The following TMEM178B variants were observed in gnomAD, a reference collection of about 807,000 sequenced individuals.
The protein encoded by TMEM178B is transmembrane protein 178B.
TMEM178B carries 5 observed loss-of-function variants against 31.0 expected under a neutral mutation model. The observed-to-expected ratio is 0.16, with a 90% CI of 0.08 to 0.34. TMEM178B has a LOEUF of 0.34. Ranked by LOEUF, TMEM178B falls within the 10% of genes least tolerant of loss-of-function variation. TMEM178B has a pLI of 1.00. For missense variants in TMEM178B, 275 were observed against 400.3 expected (o/e 0.69, Z 2.67); for synonymous variants, 164 against 164.0 (o/e 1.00, Z 0.00).
intron 1 of TMEM178B, among the ~76,000 whole-genome samples, chr7:141,192,889 T>C (rs987693179): frequency 4.6e-5 from 7 of 152,270 alleles, no homozygotes; most frequent in Non-Finnish European, 1.0e-4. Flanking sequence ...TTTGAAGTCC[T>C]AATTCCCAGG....
intron 2 of TMEM178B, among the ~76,000 whole-genome samples, chr7:141,377,522 T>C (rs1176644396): frequency 6.6e-6 from 1 of 151,954 alleles, no homozygotes; most frequent in Non-Finnish European, 1.5e-5. Context: ...ATACAAAAAA[T>C]TAGCTAGGCG....
In TMEM178B at chr7:141,470,608, A is replaced by G. The variant is rs1221877407; in HGVS notation, c.707A>G (p.Tyr236Cys). 1 of 1,535,124 alleles carries G rather than the reference A, an allele frequency of 6.5e-7. No individual in the cohort carries two copies. The highest frequency in any genetic ancestry group is 2.0e-5 in the Admixed American group (1 of 50,904). ...TTTGAGCTGTCACGCTACCCACGCT[A>G]CCTGTACGGACTCCCTGATGACATC... ...INFELSRYPR[Y>C]LYGLPDDISH... Residue 236 changes from tyrosine (Y) to cysteine (C), a missense_variant, in exon 4 of 4, where the codon TAC becomes TGC. Coordinates refer to ENST00000565468, the MANE Select transcript of TMEM178B (RefSeq NM_001195278.2).
rs374370224 is a variant in TMEM178B at position 141,446,897 on chromosome 7, C to T, written c.634+9152C>T. Among the ~76,000 whole-genome samples, 12 of 152,198 alleles carry T rather than the reference C, an allele frequency of 7.9e-5. No individual in the cohort carries two copies. In the East Asian group the frequency reaches 1.7e-3, roughly 22 times the overall value. On this transcript the variant is annotated intron_variant, in intron 3 of 3. Transcript: ENST00000565468. ...AAGTACTTCTTTTTTTAAATAACCA[C>T]CTTTAGTGACACTGCCCTGAGCAGC...
chr7:141,393,268 T>A (rs1339462683), intron 2 of TMEM178B, among the ~76,000 whole-genome samples: 2 of 152,172 alleles, frequency 1.3e-5, no homozygotes, highest in Non-Finnish European at 2.9e-5. Flanking sequence ...AATCTGTCAC[T>A]GAATCAGCAG....
At chr7:141,489,177 C>T in the TMEM178B span, among the ~76,000 whole-genome samples, 20 of 152,286 alleles carry the variant, frequency 1.3e-4, no homozygotes, top group Admixed American at 1.3e-3. Context: ...CTGAATACTT[C>T]ATCCTTCCAT....
the TMEM178B span, among the ~76,000 whole-genome samples, chr7:141,507,412 G>T: frequency 8.5e-5 from 13 of 152,120 alleles, no homozygotes; most frequent in Middle Eastern, 3.4e-3. Flanking sequence ...CACTCTTGTT[G>T]CTCAGGCTGG....
Position 141,344,497 on chromosome 7 carries a change from T to C in TMEM178B, c.497-93111T>C, listed in dbSNP as rs377447898. Among the ~76,000 whole-genome samples the C allele has an allele frequency of 1.3e-5, 2 of 152,338 alleles. No individual in the cohort carries two copies. The highest frequency in any genetic ancestry group is 1.3e-4 in the Admixed American group (2 of 15,304). ...TTTAGGCACTCTTTTTACTTTGAAA[T>C]TTTTAAAAATGTAATTTTAAGACTT... On this transcript the variant is annotated intron_variant, in intron 2 of 3. Transcript: ENST00000565468. This position sits in a 1 kb window ranked among gnomAD's most constrained non-coding sequence, Gnocchi z 4.1.
intron 2 of TMEM178B, among the ~76,000 whole-genome samples, chr7:141,215,334 A>ATTTTTTTTTTTT (rs779584995): frequency 3.2e-4 from 19 of 59,132 alleles, no homozygotes; most frequent in African/African-American, 7.7e-4. Context: ...TATTATTATT[A>ATTTTTTTTTTTT]TTATTTTTTG....
At chr7:141,337,354 C>T (rs1799442940) in intron 2 of TMEM178B, among the ~76,000 whole-genome samples, 1 of 146,102 alleles carries the variant, frequency 6.8e-6, no homozygotes, top group Non-Finnish European at 1.5e-5. Flanking sequence ...CACTACCCCA[C>T]TACCACCCCA....
intron 1 of TMEM178B, among the ~76,000 whole-genome samples, chr7:141,197,125 A>G (rs1044794178): frequency 6.6e-6 from 1 of 152,234 alleles, no homozygotes; most frequent in African/African-American, 2.4e-5. Context: ...GTGCCATAGT[A>G]TAACAATAGC....
intron 2 of TMEM178B, among the ~76,000 whole-genome samples, chr7:141,287,976 G>A (rs533791047): frequency 5.9e-5 from 9 of 152,112 alleles, no homozygotes; most frequent in African/African-American, 2.2e-4. Flanking sequence ...TTTCTTGCTT[G>A]TTTTTTTCCC....
chr7:141,212,563 C>T (rs1469627845), intron 1 of TMEM178B, 28 bp from the exon 2 acceptor site: 4 of 1,523,018 alleles, frequency 2.6e-6, no homozygotes, highest in Non-Finnish European at 8.8e-7. Flanking sequence ...GCTTCCTTAA[C>T]ATTTTGTTTC....
chr7:141,499,464 CAAAAAAAAAAAAA>C, the TMEM178B span, among the ~76,000 whole-genome samples: 1 of 50,716 alleles, frequency 2.0e-5, no homozygotes, highest in South Asian at 9.0e-4. Context: ...CACATCTCTA[CAAAAAAAAAAAAA>C]AAAAAAAAAA....
intron 2 of TMEM178B, among the ~76,000 whole-genome samples, chr7:141,214,457 A>C (rs537546646): frequency 6.6e-6 from 1 of 152,358 alleles, no homozygotes; most frequent in South Asian, 2.1e-4. Context: ...AGTAATTACA[A>C]GGCAATGTGA....
intron 1 of TMEM178B, among the ~76,000 whole-genome samples, chr7:141,092,660 A>T (rs1355801444): frequency 6.6e-6 from 1 of 152,232 alleles, no homozygotes; most frequent in Non-Finnish European, 1.5e-5. Context: ...GCCTATATGG[A>T]GCTCATATTC....
intron 2 of TMEM178B, among the ~76,000 whole-genome samples, chr7:141,250,220 A>G (rs1008721906): frequency 2.0e-5 from 3 of 152,250 alleles, no homozygotes; most frequent in African/African-American, 7.2e-5. Flanking sequence ...CTCAGAGAGT[A>G]ACATGGCCAG....
intron 1 of TMEM178B, among the ~76,000 whole-genome samples, chr7:141,129,269 C>A (rs540537181): frequency 1.3e-5 from 2 of 152,330 alleles, no homozygotes; most frequent in Non-Finnish European, 2.9e-5. Context: ...TTCTCATTTA[C>A]TGCAGCCATC....
intron 1 of TMEM178B, among the ~76,000 whole-genome samples, chr7:141,127,412 T>A (rs959205465): frequency 2.0e-5 from 3 of 152,120 alleles, no homozygotes; most frequent in Admixed American, 6.6e-5. Flanking sequence ...CATGATGAGA[T>A]CATCCTGGAT....
chr7:141,305,181 C>A (rs1033193572), intron 2 of TMEM178B, among the ~76,000 whole-genome samples: 35 of 152,154 alleles, frequency 2.3e-4, no homozygotes, highest in African/African-American at 8.2e-4. Context: ...CGGGTTCTAC[C>A]ATCACTTCAC....
Sources: gnomAD v4.1 joint callset for allele counts (sites outside exome capture counted in the v4.1 genomes callset) on GRCh38, gnomAD v4.1.1 for gene constraint, Gnocchi (gnomAD v3.1) non-coding constraint, MANE v1.5 for transcripts, NCBI Gene and HGNC (gene_info 2026-07-23, HGNC 2026-07-21) for gene names.